The following WRAP73 variants were observed in gnomAD, a reference collection of about 807,000 sequenced individuals.
WRAP73 encodes WD repeat containing, antisense to TP73, also known as WD repeat-containing protein WRAP73.
In WRAP73, 55 loss-of-function variants were observed where a neutral mutation model predicts 59.6. The ratio of observed to expected loss-of-function variants is 0.92; its 90% CI spans 0.74 to 1.15. WRAP73 has a LOEUF of 1.15. Among genes scored for constraint, WRAP73 ranks in the 50% most tolerant of loss-of-function variants. WRAP73 has a pLI of 0.00. For synonymous variants in WRAP73, 265 were observed against 258.2 expected (o/e 1.03, Z -0.25); for missense variants, 592 against 608.1 (o/e 0.97, Z 0.28).
Position 3,637,065 on chromosome 1 carries a change from G to C in WRAP73, c.446C>G (p.Ala149Gly). The change falls in exon 5 of 12, where the codon GCG becomes GGG. Residue 149 changes from alanine to glycine, a missense_variant. By Grantham distance (60) the Ala-to-Gly change is moderately conservative. Transcript: ENST00000270708. ...TTTGCAGTCGCGCCGTTCTGCCAGC[G>C]CCATGTAGCGGCCGTCCCTGGTGAA... ...ITFTRDGRYM[A>G]LAERRDCKDY... 1 of 1,612,848 alleles carries C rather than the reference G, an allele frequency of 6.2e-7. No homozygotes were observed. The highest frequency in any genetic ancestry group is 8.5e-7 in the Non-Finnish European group (1 of 1,179,814).
At chr1:3,635,383 G>A (rs2101957296) in intron 6 of WRAP73, 89 bp from the exon 7 acceptor site, 10 of 1,559,322 alleles carry the variant, frequency 6.4e-6, no homozygotes, top group Non-Finnish European at 7.9e-6. Context: ...TGACATTGGT[G>A]CAGATAGCAC....
rs147030522 is a variant in WRAP73, at chr1:3,640,326, G to A, written c.340-1504C>T. On this transcript the variant is annotated intron_variant, in intron 3 of 11. Coordinates refer to ENST00000270708, the MANE Select transcript of WRAP73 (RefSeq NM_017818.4). ...TGCTACTTCCCACCAGCGTGTCTGA[G>A]GCTGAAACCTTGCCCAAGCCTCTCA... Among the ~76,000 whole-genome samples the A allele has an allele frequency of 4.6e-4, 70 of 152,392 alleles. No homozygotes were observed. In the East Asian group the frequency reaches 0.013, roughly 29 times the overall value.
intron 1 of WRAP73, among the ~76,000 whole-genome samples, chr1:3,649,336 T>C (rs1644718255): frequency 1.3e-5 from 2 of 152,234 alleles, no homozygotes; most frequent in Middle Eastern, 3.2e-3. Context: ...TTTAAATCAT[T>C]TATTCGGCAT....
chr1:3,636,967 C>T, intron 5 of WRAP73, 28 bp downstream of exon 5: 1 of 1,609,086 alleles, frequency 6.2e-7, no homozygotes, highest in African/African-American at 1.3e-5. Context: ...AGCAGGACAA[C>T]TTTATTCCAG....
chr1:3,647,464 A>G lies in WRAP73; in HGVS notation c.166T>C (p.Trp56Arg), dbSNP rs777254501. 4.3e-6 allele frequency: 7 copies of G among 1,613,858 alleles called. No individual in the cohort carries two copies. The highest frequency in any genetic ancestry group is 5.9e-6 in the Non-Finnish European group (7 of 1,179,918). The change falls in exon 2 of 12, where the codon TGG (tryptophan) becomes CGG (arginine). Residue 56 changes from tryptophan to arginine, a missense_variant. Coordinates refer to ENST00000270708, the MANE Select transcript of WRAP73 (RefSeq NM_017818.4). ...AGGATGAAGAGCGAGTCTGCCGACC[A>G]CTCGATGTGCTGGATCTGGTCTAGG... ...TCLDQIQHIE[W>R]SADSLFILCA... is the part of the protein sequence containing the mutation.
At position 3,650,037 on chromosome 1, in the gene WRAP73, A is replaced by T; in HGVS notation, c.-38T>A. 1 of 1,558,762 alleles carries T rather than the reference A, an allele frequency of 6.4e-7. No homozygotes were observed. The highest frequency in any genetic ancestry group is 8.7e-7 in the Non-Finnish European group (1 of 1,155,030). On this transcript the variant is annotated 5_prime_UTR_variant, in exon 1 of 12. Coordinates refer to ENST00000270708, the MANE Select transcript of WRAP73 (RefSeq NM_017818.4). The stretch of plus-strand genomic sequence containing the variant: ...CCGCGGGCGCCACCCTGCGCCCGAA[A>T]ACCCGCGGGACCCCTGGGCGCGCAG...
rs184487165 is a variant in WRAP73, at chr1:3,634,940, T to C, written c.816+57A>G. On this transcript the variant is annotated intron_variant, in intron 8 of 11. Transcript: ENST00000270708. ...TCAAGAAAGCAAAGTGAAGGAGCAG[T>C]TTCCCACCGCCCTCCCCAACAGCCT... The C allele has an allele frequency of 5.0e-6, 8 of 1,590,974 alleles. No homozygotes were observed. In the East Asian group the frequency reaches 1.8e-4, roughly 36 times the overall value.
intron 3 of WRAP73, among the ~76,000 whole-genome samples, chr1:3,645,821 G>C (rs900053748): frequency 2.0e-5 from 3 of 152,206 alleles, no homozygotes; most frequent in Middle Eastern, 3.4e-3. Flanking sequence ...AGCTCAGCAC[G>C]GAGGCTGTTG....
chr1:3,639,815 G>T lies in WRAP73; in HGVS notation c.340-993C>A, dbSNP rs1644621627. 6.6e-6 allele frequency among the ~76,000 whole-genome samples: 1 copy of T among 151,936 alleles called. No individual in the cohort carries two copies. Among genetic ancestry groups the T allele is most frequent in the Non-Finnish European group, 1.5e-5 (1 of 67,982 alleles). ...CACAGGGCTGCGCAGCTCCATGCGGGGTGGGGTGCTGACTGCCAGCTCCGT... is the reference window on the plus strand; with the variant it reads ...CACAGGGCTGCGCAGCTCCATGCGGTGTGGGGTGCTGACTGCCAGCTCCGT... On this transcript the variant is annotated intron_variant, in intron 3 of 11. Coordinates refer to ENST00000270708, the MANE Select transcript of WRAP73 (RefSeq NM_017818.4). The surrounding 1 kb of genome is among the most constrained non-coding windows in gnomAD (Gnocchi z 4.3).
chr1:3,631,622 G>A lies in WRAP73; in HGVS notation c.1084C>T (p.Gln362Ter). Residue 362 changes from glutamine (Q) to a stop codon, truncating the protein, a stop_gained, in exon 11 of 12, where the codon CAG becomes TAG. Transcript: ENST00000270708. LOFTEE classifies it high-confidence loss of function. ...IPNAVWVWDI[Q>*]KLRLFAVLEQ... Reference sequence around the variant, plus strand: ...AGCACCGCGAACAGCCTCAGCTTCTGAATGTCCCAGACCCAGACGGCATTG... The same window carrying A: ...AGCACCGCGAACAGCCTCAGCTTCTAAATGTCCCAGACCCAGACGGCATTG... 6.2e-7 allele frequency: 1 copy of A among 1,602,222 alleles called. No homozygotes were observed. The highest frequency in any genetic ancestry group is 8.5e-7 in the Non-Finnish European group (1 of 1,179,300).
At chr1:3,635,717 A>C (rs1326483633) in intron 6 of WRAP73, 11 of 530,300 alleles carry the variant, frequency 2.1e-5, no homozygotes, top group Non-Finnish European at 3.0e-5. Context: ...GCTACTTGGG[A>C]GGCTGAGGTA....
chr1:3,632,484 G>C, intron 9 of WRAP73, 146 bp from the exon 10 acceptor site: 1 of 1,315,484 alleles, frequency 7.6e-7, no homozygotes. Context: ...GGCAGGAAGA[G>C]CTAAGCAAAG....
In WRAP73 at chr1:3,631,604, C is replaced by A; in HGVS notation, c.1102G>T (p.Ala368Ser). The A allele has an allele frequency of 1.2e-6, 2 of 1,605,706 alleles. No individual in the cohort carries two copies. Among genetic ancestry groups the A allele is most frequent in the South Asian group, 1.1e-5 (1 of 91,026 alleles). The stretch of plus-strand genomic sequence containing the variant: ...ACTGGGGACAGCTGCTCGAGCACCG[C>A]GAACAGCCTCAGCTTCTGAATGTCC... The part of the protein sequence containing the change: ...VWDIQKLRLF[A>S]VLEQLSPVRA... Residue 368 changes from alanine to serine, a missense_variant, in exon 11 of 12, where the codon GCG (alanine) becomes TCG (serine). Transcript: ENST00000270708.
intron 1 of WRAP73, among the ~76,000 whole-genome samples, chr1:3,649,619 C>T (rs1055642816): frequency 1.3e-5 from 2 of 151,522 alleles, no homozygotes; most frequent in African/African-American, 4.8e-5. Context: ...TGTCCGGCCC[C>T]CATATCTGCT....
At chr1:3,640,488 C>T (rs542916170) in intron 3 of WRAP73, among the ~76,000 whole-genome samples, 4 of 26,938 alleles carry the variant, frequency 1.5e-4, no homozygotes, top group African/African-American at 4.5e-4. Flanking sequence ...GTGGAACACC[C>T]GAGGCTCTGA....
chr1:3,647,253 G>C, intron 2 of WRAP73, 155 bp downstream of exon 2: 1 of 821,904 alleles, frequency 1.2e-6, no homozygotes, highest in Non-Finnish European at 1.8e-6. Context: ...TAGTTTAAAT[G>C]TTCTTAAACT....
intron 1 of WRAP73, among the ~76,000 whole-genome samples, chr1:3,648,615 C>A (rs1372525220): frequency 1.3e-5 from 2 of 152,194 alleles, no homozygotes; most frequent in African/African-American, 2.4e-5. Flanking sequence ...CATGGACCTG[C>A]TCTCCCCAGT....
At chr1:3,633,269 A>G (rs1644556272) in intron 9 of WRAP73, 129 bp downstream of exon 9, 1 of 856,900 alleles carries the variant, frequency 1.2e-6, no homozygotes, top group Non-Finnish European at 1.9e-6. Flanking sequence ...TGAGGGGCAC[A>G]CTGGCTGGAA....
At chr1:3,631,912 A>G in intron 10 of WRAP73, 1 of 1,391,826 alleles carries the variant, frequency 7.2e-7, no homozygotes. Context: ...AGCCCTTTAC[A>G]AATGGAGAAA....
Sources: allele counts gnomAD v4.1 joint callset (sites outside exome capture counted in the v4.1 genomes callset), GRCh38; gene constraint gnomAD v4.1.1; non-coding constraint Gnocchi (gnomAD v3.1); transcripts MANE v1.5; gene names NCBI Gene and HGNC (gene_info 2026-07-23, HGNC 2026-07-21).